Variants in PTPN14 observed in about 807,000 individuals in gnomAD.
PTPN14 encodes protein tyrosine phosphatase non-receptor type 14.
A neutral mutation model predicts 126.8 loss-of-function variants in PTPN14; 53 were observed. The observed-to-expected ratio is 0.42, with a 90% confidence interval of 0.34 to 0.53. The LOEUF (loss-of-function observed/expected upper bound fraction) is 0.53, where lower values mean the gene tolerates loss of function less well. Ranked by LOEUF, PTPN14 falls within the 20% of genes least tolerant of loss-of-function variation. PTPN14 has a pLI of 0.08. For missense variants in PTPN14, 1,257 were observed against 1,552.9 expected, an observed-to-expected ratio of 0.81 and a Z score of 3.20; for synonymous variants, 630 against 599.3, an observed-to-expected ratio of 1.05 and a Z score of -0.75.
intron 1 of PTPN14, among the ~76,000 whole-genome samples, chr1:214,470,498 C>T (rs1355223996): frequency 6.6e-6 from 1 of 152,042 alleles, no homozygotes; most frequent in African/African-American, 2.4e-5. Context: ...AAACACTGCA[C>T]TTGGCCAGGC....
At chr1:214,449,827 T>C (rs1381388712) in intron 3 of PTPN14, among the ~76,000 whole-genome samples, 3 of 145,164 alleles carry the variant, frequency 2.1e-5, no homozygotes, top group African/African-American at 7.5e-5. Flanking sequence ...TACAATACCT[T>C]TTGATTTAAA....
intron 7 of PTPN14, among the ~76,000 whole-genome samples, chr1:214,398,822 G>A (rs998325406): frequency 2.6e-5 from 4 of 151,066 alleles, no homozygotes; most frequent in African/African-American, 7.3e-5. Context: ...CTGGGGTGCA[G>A]TGGCGTGATC....
chr1:214,406,256 T>C lies in PTPN14; in HGVS notation c.511-3303A>G, dbSNP rs539101273. On this transcript the variant is annotated intron_variant, in intron 5 of 18. Transcript: ENST00000366956. The stretch of plus-strand genomic sequence containing the variant: ...ACTTTGGGAGGCCAAGGAGGGAAGA[T>C]CACTTGAGGCCAAGAGTTTGAGACC... Among the ~76,000 whole-genome samples the C allele has an allele frequency of 1.4e-4, 21 of 152,164 alleles. No individual in the cohort carries two copies. The South Asian group carries it at 4.2e-3, about 30-fold the overall frequency.
intron 1 of PTPN14, among the ~76,000 whole-genome samples, chr1:214,533,854 AAAAG>A (rs1310298841): frequency 5.3e-5 from 8 of 151,738 alleles, no homozygotes; most frequent in Non-Finnish European, 1.0e-4. Context: ...AAAAAAAAAA[AAAAG>A]AGAGAGAAAA....
chr1:214,453,966 T>C (rs1020631355), intron 2 of PTPN14, among the ~76,000 whole-genome samples: 1 of 152,182 alleles, frequency 6.6e-6, no homozygotes, highest in African/African-American at 2.4e-5. Context: ...AACCTTAACA[T>C]GAAGTCATTT....
intron 1 of PTPN14, among the ~76,000 whole-genome samples, chr1:214,544,339 G>A (rs1655915368): frequency 6.6e-6 from 1 of 152,142 alleles, no homozygotes; most frequent in African/African-American, 2.4e-5. Flanking sequence ...GCTGAGGTAG[G>A]AGGATCACTT....
In PTPN14 at chr1:214,384,181, C is replaced by T. The variant is rs747941349; in HGVS notation, c.1674G>A (p.Met558Ile). 7 of 1,603,594 alleles carry T rather than the reference C, an allele frequency of 4.4e-6. No individual in the cohort carries two copies. In the East Asian group the frequency reaches 1.3e-4, roughly 31 times the overall value. Reference sequence around the variant, plus strand: ...GTGGCCTGAAGAGATAGTTCTTAAGCATGTGGGCCGTGCTGTAGTTATGGC... The same window carrying T: ...GTGGCCTGAAGAGATAGTTCTTAAGTATGTGGGCCGTGCTGTAGTTATGGC... ...QGSHNYSTAH[M>I]LKNYLFRPPP... Residue 558 changes from methionine to isoleucine, a missense_variant, in exon 13 of 19, where the codon ATG becomes ATA. Around this residue, in one of 3 missense-constraint regions of PTPN14, gnomAD observed 1,021 missense variants for 1,183.3 expected, o/e 0.86. Transcript: ENST00000366956. The surrounding 1 kb of genome is among the most constrained non-coding windows in gnomAD (Gnocchi z 5.3).
chr1:214,473,712 C>T (rs1309034379), intron 1 of PTPN14, among the ~76,000 whole-genome samples: 1 of 151,854 alleles, frequency 6.6e-6, no homozygotes, highest in African/African-American at 2.4e-5. Flanking sequence ...TAAGGAAAGG[C>T]TAAAAGAAGG....
intron 1 of PTPN14, among the ~76,000 whole-genome samples, chr1:214,496,654 A>T (rs1484101844): frequency 6.6e-6 from 1 of 152,230 alleles, no homozygotes; most frequent in Admixed American, 6.5e-5. Flanking sequence ...AAGTGCTGGG[A>T]TCCCTAAGGG....
At chr1:214,424,669 A>G (rs559651331) in intron 3 of PTPN14, among the ~76,000 whole-genome samples, 3 of 152,086 alleles carry the variant, frequency 2.0e-5, no homozygotes, top group Non-Finnish European at 4.4e-5. Context: ...CTGGGACTAA[A>G]GGTGTGTGCC....
intron 1 of PTPN14, among the ~76,000 whole-genome samples, chr1:214,499,147 T>G (rs1654617403): frequency 6.6e-6 from 1 of 152,124 alleles, no homozygotes; most frequent in Admixed American, 6.6e-5. Context: ...AGGAGTTTAT[T>G]CTAAGACTCA....
intron 11 of PTPN14, among the ~76,000 whole-genome samples, chr1:214,389,654 A>G (rs1274649765): frequency 6.6e-6 from 1 of 152,254 alleles, no homozygotes; most frequent in African/African-American, 2.4e-5. Context: ...TAAAATAGGT[A>G]AGCCTCTGCA....
At chr1:214,362,292 G>A (rs191720673) in intron 18 of PTPN14, among the ~76,000 whole-genome samples, 203 of 152,324 alleles carry the variant, frequency 1.3e-3, no homozygotes, top group Non-Finnish European at 2.2e-3. Flanking sequence ...TGTGCTAGGG[G>A]AAGAGAAGTG....
rs3806315 is a variant in PTPN14 at position 214,551,325 on chromosome 1, G to A, written c.-297C>T. ...GAAGGAGCCGCAGGAGGCGAAAGGG[G>A]AGGGAGGTTTCCGCCGCGATCCCGG... On this transcript the variant is annotated 5_prime_UTR_variant, in exon 1 of 19. Coordinates refer to ENST00000366956, the MANE Select transcript of PTPN14 (RefSeq NM_005401.5). 0.44 allele frequency: 67,413 copies of A among 152,676 alleles called. 17,561 individuals are homozygous for A. Among genetic ancestry groups the A allele is most frequent in the Non-Finnish European group, 0.6 (40,716 of 68,392 alleles). The allele number at this position is 152,676 out of a possible 1,614,324, so 9.5% of individuals were successfully genotyped here.
chr1:214,496,150 A>G (rs746298354), intron 1 of PTPN14, among the ~76,000 whole-genome samples: 2 of 152,148 alleles, frequency 1.3e-5, no homozygotes, highest in South Asian at 4.1e-4. Flanking sequence ...AGATTTAGAA[A>G]CGTACTTCAT....
chr1:214,482,520 T>C (rs1357967159), intron 1 of PTPN14, among the ~76,000 whole-genome samples: 1 of 151,560 alleles, frequency 6.6e-6, no homozygotes. Context: ...TTTAAAACAC[T>C]GTAGTAGCCA....
chr1:214,532,481 C>A, intron 1 of PTPN14: 1 of 861,272 alleles, frequency 1.2e-6, no homozygotes, highest in East Asian at 2.5e-5. Context: ...GACTGAGGAG[C>A]CTGGAGATCG....
rs140435942 is a variant in PTPN14 at position 214,501,549 on chromosome 1, G to C, written c.-154-36592C>G. On this transcript the variant is annotated intron_variant, in intron 1 of 18. Coordinates refer to ENST00000366956, the MANE Select transcript of PTPN14 (RefSeq NM_005401.5). ...GAATGACCACGCCCAGCCCAAAACA[G>C]AGTAAGTATTCTATGAACAATTAGG... Among the ~76,000 whole-genome samples the C allele has an allele frequency of 1.2e-4, 19 of 152,196 alleles. 1 individual carries two copies. The East Asian group carries it at 3.5e-3, about 28-fold the overall frequency.
intron 1 of PTPN14, among the ~76,000 whole-genome samples, chr1:214,494,042 T>A (rs1038324212): frequency 6.6e-6 from 1 of 152,252 alleles, no homozygotes; most frequent in Middle Eastern, 3.4e-3. Flanking sequence ...CCGTCCTTAG[T>A]GCCTTCCTTT....
Sources: allele counts gnomAD v4.1 joint callset (sites outside exome capture counted in the v4.1 genomes callset), GRCh38; gene constraint gnomAD v4.1.1; regional missense constraint gnomAD v4.1.1; non-coding constraint Gnocchi (gnomAD v3.1); transcripts MANE v1.5; gene names NCBI Gene and HGNC (gene_info 2026-07-23, HGNC 2026-07-21).